AK3: variants seen among roughly 807,000 people sequenced by gnomAD.
AK3 encodes adenylate kinase 3, also known as GTP:AMP phosphotransferase AK3, mitochondrial.
AK3 carries 27 observed loss-of-function variants against 23.7 expected under a neutral mutation model. That is an observed-to-expected ratio of 1.14 (90% CI 0.84 to 1.57). The LOEUF (loss-of-function observed/expected upper bound fraction) is 1.57. Ranked by LOEUF, AK3 falls within the 40% of genes most tolerant of loss-of-function variation. AK3 has a pLI of 0.00. For missense variants in AK3, 406 were observed against 285.6 expected (o/e 1.42, Z -3.04); for synonymous variants, 159 against 116.0 (o/e 1.37, Z -2.38).
intron 2 of AK3, among the ~76,000 whole-genome samples, chr9:4,720,844 C>T (rs770986319): frequency 2.6e-5 from 4 of 152,236 alleles, no homozygotes; most frequent in East Asian, 1.9e-4. Flanking sequence ...ACAATGATAA[C>T]GACTAAAACT....
intron 1 of AK3, among the ~76,000 whole-genome samples, chr9:4,722,920 A>T (rs537387194): frequency 6.6e-6 from 1 of 152,212 alleles, no homozygotes; most frequent in East Asian, 1.9e-4. Context: ...GCCGGACATG[A>T]TGGCGGGTGC....
chr9:4,712,854 A>G lies in AK3; in HGVS notation c.*122T>C. 1 of 1,138,552 alleles carries G rather than the reference A, an allele frequency of 8.8e-7. No individual in the cohort carries two copies. 70.5% of individuals were successfully genotyped at this position (1,138,552 alleles called of 1,614,324 possible). A position where few individuals can be genotyped will look rare whatever the true frequency, so the allele number is the denominator to read the frequency against. On this transcript the variant is annotated 3_prime_UTR_variant, in exon 5 of 5. Transcript: ENST00000381809. ...TAGTATCCAAAATAAAATCAGTAGAAATAAAAGTAATATAATTTTCAAAGA... is the reference window on the plus strand; with the variant it reads ...TAGTATCCAAAATAAAATCAGTAGAGATAAAAGTAATATAATTTTCAAAGA...
At chr9:4,741,670 A>C (rs440497), upstream of AK3, 136,740 of 152,036 alleles carry the variant, frequency 0.9, 62,511 homozygotes, top group Non-Finnish European at 0.98. Context: ...CCACCCCTCC[A>C]ACAACCCTTT....
chr9:4,740,601 C>T (rs1184339840), intron 1 of AK3, among the ~76,000 whole-genome samples: 3 of 152,232 alleles, frequency 2.0e-5, no homozygotes, highest in African/African-American at 7.2e-5. Flanking sequence ...GAACAAGCTG[C>T]GGCTCAGCTC....
intron 2 of AK3, among the ~76,000 whole-genome samples, chr9:4,719,806 C>A (rs1210516989): frequency 7.2e-5 from 11 of 152,160 alleles, no homozygotes; most frequent in Admixed American, 7.2e-4. Context: ...TGGCTCACAC[C>A]TGTAATCCCA....
chr9:4,719,572 T>A (rs1841837741), intron 2 of AK3, among the ~76,000 whole-genome samples: 1 of 152,154 alleles, frequency 6.6e-6, no homozygotes, highest in African/African-American at 2.4e-5. Context: ...TATGAAATTA[T>A]CATGTAAATA....
In AK3 at chr9:4,726,454, A is replaced by G. The variant is rs570454120; in HGVS notation, c.152-3829T>C. Among the ~76,000 whole-genome samples, 9 of 152,300 alleles carry G rather than the reference A, an allele frequency of 5.9e-5. 1 individual carries two copies. The South Asian group carries it at 1.7e-3, about 28-fold the overall frequency. On this transcript the variant is annotated intron_variant, in intron 1 of 4. Coordinates refer to ENST00000381809, the MANE Select transcript of AK3 (RefSeq NM_016282.4). ...TCGTTGCCAGTTGAATAATGCTCACAGCATCTTCACCAGGACTAGATTCTA... is the reference window on the plus strand; with the variant it reads ...TCGTTGCCAGTTGAATAATGCTCACGGCATCTTCACCAGGACTAGATTCTA...
At chr9:4,729,015 A>ATATATTTT (rs71326127) in intron 1 of AK3, among the ~76,000 whole-genome samples, 3 of 129,434 alleles carry the variant, frequency 2.3e-5, no homozygotes, top group African/African-American at 8.8e-5. Flanking sequence ...ATATATATAT[A>ATATATTTT]TTTTTTTTTT....
At position 4,712,061 on chromosome 9, in the gene AK3, T is replaced by C. The variant is rs959012342; in HGVS notation, c.*915A>G. 2.0e-5 allele frequency: 3 copies of C among 152,166 alleles called. No individual in the cohort carries two copies. The highest frequency in any genetic ancestry group is 2.0e-4 in the Admixed American group (3 of 15,278). 9.4% of individuals were successfully genotyped at this position (152,166 alleles called of 1,614,324 possible). A position where few individuals can be genotyped will look rare whatever the true frequency, so the allele number is the denominator to read the frequency against. On this transcript the variant is annotated 3_prime_UTR_variant, in exon 5 of 5. Coordinates refer to ENST00000381809, the MANE Select transcript of AK3 (RefSeq NM_016282.4). ...TGCCACGGGTTTCTCTTTTTTCTTC[T>C]CTTTTTTATTGGCGGGGGAGATGGT...
chr9:4,712,909 G>A lies in AK3; in HGVS notation c.*67C>T, dbSNP rs1841599222. 3 of 1,532,900 alleles carry A rather than the reference G, an allele frequency of 2.0e-6. No homozygotes were observed. The highest frequency in any genetic ancestry group is 2.6e-6 in the Non-Finnish European group (3 of 1,132,410). The allele number at this position is 1,532,900 out of a possible 1,614,324, so 95.0% of individuals were successfully genotyped here. ...ATACATACTAGAAGTCTTAGGAAAA[G>A]CAGCTTCTAAATGCAAGGACTAGGA... On this transcript the variant is annotated 3_prime_UTR_variant, in exon 5 of 5. Coordinates refer to ENST00000381809, the MANE Select transcript of AK3 (RefSeq NM_016282.4).
Position 4,741,151 on chromosome 9 carries a change from C to G in AK3, c.-64G>C. 7.5e-7 allele frequency: 1 copy of G among 1,335,230 alleles called. No individual in the cohort carries two copies. The highest frequency in any genetic ancestry group is 9.6e-7 in the Non-Finnish European group (1 of 1,040,732). 82.7% of individuals were successfully genotyped at this position (1,335,230 alleles called of 1,614,324 possible). ...CTTTGGCCTGGCCTGCGCGCTCACC[C>G]GCTCGGCAGCCTGCGCCGGCCGGCT... is the stretch of plus-strand genomic sequence containing the variant. On this transcript the variant is annotated 5_prime_UTR_variant, in exon 1 of 5. Coordinates refer to ENST00000381809, the MANE Select transcript of AK3 (RefSeq NM_016282.4).
chr9:4,727,061 T>C (rs1842037111), intron 1 of AK3, among the ~76,000 whole-genome samples: 1 of 152,192 alleles, frequency 6.6e-6, no homozygotes, highest in African/African-American at 2.4e-5. Flanking sequence ...CTTCAAATAG[T>C]CAGTAAACCA....
At chr9:4,719,652 G>A (rs1402058858) in intron 2 of AK3, among the ~76,000 whole-genome samples, 1 of 152,180 alleles carries the variant, frequency 6.6e-6, no homozygotes, top group Non-Finnish European at 1.5e-5. Flanking sequence ...TAAGGCCTGA[G>A]TAGAACAAAA....
chr9:4,736,042 G>C (rs1457970047), intron 1 of AK3, among the ~76,000 whole-genome samples: 1 of 150,658 alleles, frequency 6.6e-6, no homozygotes, highest in African/African-American at 2.4e-5. Context: ...TTGAACGTGG[G>C]AGGCGGAGGT....
chr9:4,727,394 T>C (rs539971482), intron 1 of AK3, among the ~76,000 whole-genome samples: 1 of 152,364 alleles, frequency 6.6e-6, no homozygotes, highest in Non-Finnish European at 1.5e-5. Context: ...ATTTTCTGGA[T>C]ACCTTGCTGC....
intron 1 of AK3, among the ~76,000 whole-genome samples, chr9:4,739,928 G>A (rs982216408): frequency 4.6e-5 from 7 of 151,918 alleles, no homozygotes; most frequent in South Asian, 2.1e-4. Context: ...AAAGGTACAC[G>A]TATCTGCGCT....
At chr9:4,730,337 A>C (rs1842124252) in intron 1 of AK3, among the ~76,000 whole-genome samples, 1 of 152,256 alleles carries the variant, frequency 6.6e-6, no homozygotes. Context: ...TATGTGAATT[A>C]AATCTCAATA....
intron 1 of AK3, among the ~76,000 whole-genome samples, chr9:4,723,996 G>C (rs1328307708): frequency 6.6e-6 from 1 of 152,134 alleles, no homozygotes; most frequent in East Asian, 1.9e-4. Context: ...TGAAACTTTA[G>C]ATTTTTAACC....
chr9:4,738,606 G>C (rs921705261), intron 1 of AK3, among the ~76,000 whole-genome samples: 10 of 126,658 alleles, frequency 7.9e-5, no homozygotes, highest in Non-Finnish European at 1.8e-4. Flanking sequence ...AAATAAAAAA[G>C]AAAAAGAAAA....
Sources: gnomAD v4.1 joint callset for allele counts (sites outside exome capture counted in the v4.1 genomes callset) on GRCh38, gnomAD v4.1.1 for gene constraint, MANE v1.5 for transcripts, NCBI Gene and HGNC (gene_info 2026-07-23, HGNC 2026-07-21) for gene names.